The following PPARGC1A variants were observed in gnomAD, a reference collection of about 807,000 sequenced individuals.
PPARGC1A encodes peroxisome proliferator-activated receptor gamma coactivator 1-alpha.
In PPARGC1A, 25 loss-of-function variants were observed where a neutral mutation model predicts 88.7. That is an observed-to-expected ratio of 0.28 (90% CI 0.21 to 0.39). The LOEUF (loss-of-function observed/expected upper bound fraction) is 0.39. Among genes scored for constraint, PPARGC1A ranks in the 10% least tolerant of loss-of-function variants. The pLI is 1.00. For synonymous variants in PPARGC1A, 363 were observed against 355.6 expected (o/e 1.02, Z -0.24); for missense variants, 880 against 968.7 (o/e 0.91, Z 1.22).
chr4:24,107,513 T>C, the PPARGC1A span, among the ~76,000 whole-genome samples: 1 of 152,234 alleles, frequency 6.6e-6, no homozygotes, highest in Non-Finnish European at 1.5e-5. Flanking sequence ...CCAGATGAAA[T>C]AGTCTTTTCT....
the PPARGC1A span, among the ~76,000 whole-genome samples, chr4:24,150,203 A>T: frequency 1.3e-5 from 2 of 152,180 alleles, no homozygotes; most frequent in Admixed American, 1.3e-4. Flanking sequence ...TGTGGTTAAA[A>T]ATTGCTCCTA....
At chr4:23,939,030 G>T in the PPARGC1A span, among the ~76,000 whole-genome samples, 1 of 152,138 alleles carries the variant, frequency 6.6e-6, no homozygotes, top group African/African-American at 2.4e-5. Flanking sequence ...GGTGATGACT[G>T]CCCAGCCTGG....
At chr4:23,832,290 CATTT>C (rs1056904081) in intron 2 of PPARGC1A, among the ~76,000 whole-genome samples, 17 of 152,238 alleles carry the variant, frequency 1.1e-4, no homozygotes, top group South Asian at 8.3e-4. Context: ...ACTCCAAAAT[CATTT>C]ATTTATTTTG....
At chr4:24,449,472 C>T in the PPARGC1A span, among the ~76,000 whole-genome samples, 8 of 152,194 alleles carry the variant, frequency 5.3e-5, no homozygotes, top group African/African-American at 1.9e-4. Flanking sequence ...CTTGTAACTG[C>T]ATTCAATTTT....
At chr4:23,990,207 A>G in the PPARGC1A span, among the ~76,000 whole-genome samples, 23,572 of 148,876 alleles carry the variant, frequency 0.16, 1,954 homozygotes, top group South Asian at 0.19. Flanking sequence ...GTCACATCAT[A>G]TATTATATAT....
the PPARGC1A span, among the ~76,000 whole-genome samples, chr4:23,973,758 G>T: frequency 6.6e-6 from 1 of 151,928 alleles, no homozygotes; most frequent in East Asian, 1.9e-4. Flanking sequence ...CTTCTGAAAT[G>T]AAATCAAAAG....
the PPARGC1A span, among the ~76,000 whole-genome samples, chr4:24,386,361 T>C: frequency 6.6e-6 from 1 of 152,186 alleles, no homozygotes; most frequent in East Asian, 1.9e-4. Flanking sequence ...TCACCACTCT[T>C]ATTCAACATA....
chr4:23,868,667 C>T (rs1712594212), intron 2 of PPARGC1A, among the ~76,000 whole-genome samples: 1 of 152,184 alleles, frequency 6.6e-6, no homozygotes, highest in Admixed American at 6.5e-5. Flanking sequence ...CTCTTTTGCA[C>T]ATGTGACAAC....
the PPARGC1A span, among the ~76,000 whole-genome samples, chr4:24,260,844 A>G: frequency 6.6e-6 from 1 of 152,138 alleles, no homozygotes; most frequent in Non-Finnish European, 1.5e-5. Context: ...AAAATGTTAA[A>G]ATGTCATTTA....
chr4:24,289,782 T>C, the PPARGC1A span, among the ~76,000 whole-genome samples: 1,019 of 152,284 alleles, frequency 6.7e-3, 1 homozygote, highest in Non-Finnish European at 0.012. Flanking sequence ...TGATCACCAC[T>C]TCCAGCTTTT....
At chr4:23,962,920 A>T in the PPARGC1A span, among the ~76,000 whole-genome samples, 1 of 152,194 alleles carries the variant, frequency 6.6e-6, no homozygotes, top group Non-Finnish European at 1.5e-5. Context: ...CCTTTCATTC[A>T]GAAGAACACT....
chr4:23,909,928 G>C, the PPARGC1A span, among the ~76,000 whole-genome samples: 2 of 150,578 alleles, frequency 1.3e-5, no homozygotes, highest in Non-Finnish European at 2.9e-5. Flanking sequence ...AAATATGAAA[G>C]GTAGTGGGAG....
chr4:23,812,879 A>T lies in PPARGC1A; in HGVS notation c.1899-12T>A. Reference sequence around the variant, plus strand: ...CGTAGCTGTCATACCTGGGAAACATAACTTTATCACTAAGTCAACCACCTC... The same window carrying T: ...CGTAGCTGTCATACCTGGGAAACATTACTTTATCACTAAGTCAACCACCTC... On this transcript the variant is annotated splice_polypyrimidine_tract_variant and intron_variant, in intron 9 of 12. Transcript: ENST00000264867. 6.2e-7 allele frequency: 1 copy of T among 1,614,024 alleles called. No individual in the cohort carries two copies. Among genetic ancestry groups the T allele is most frequent in the Non-Finnish European group, 8.5e-7 (1 of 1,179,986 alleles).
At chr4:23,819,472 A>C (rs146265892) in intron 7 of PPARGC1A, among the ~76,000 whole-genome samples, 5 of 152,272 alleles carry the variant, frequency 3.3e-5, no homozygotes, top group African/African-American at 1.2e-4. Context: ...TGGAAGATGA[A>C]GATATCATTA....
chr4:24,190,692 GTAGT>G, the PPARGC1A span, among the ~76,000 whole-genome samples: 1 of 152,280 alleles, frequency 6.6e-6, no homozygotes, highest in East Asian at 1.9e-4. Context: ...TCCATGCCAT[GTAGT>G]TAGTTTGTGC....
chr4:24,166,518 C>T, the PPARGC1A span, among the ~76,000 whole-genome samples: 2 of 152,192 alleles, frequency 1.3e-5, no homozygotes, highest in Admixed American at 1.3e-4. Flanking sequence ...CTGAAAAGAA[C>T]AGCCTGATTC....
At chr4:24,334,173 T>G in the PPARGC1A span, among the ~76,000 whole-genome samples, 1 of 152,054 alleles carries the variant, frequency 6.6e-6, no homozygotes, top group South Asian at 2.1e-4. Context: ...TGGCACTACA[T>G]TCCCATGTAA....
chr4:24,260,427 T>G, the PPARGC1A span, among the ~76,000 whole-genome samples: 1 of 152,250 alleles, frequency 6.6e-6, no homozygotes, highest in Non-Finnish European at 1.5e-5. Flanking sequence ...ACTTGCACAT[T>G]AATAAAACTC....
the PPARGC1A span, among the ~76,000 whole-genome samples, chr4:24,265,528 G>C: frequency 1.3e-5 from 2 of 152,168 alleles, no homozygotes; most frequent in Non-Finnish European, 2.9e-5. Context: ...TTTATTATTC[G>C]AATGGCTTCA....
Sources: allele counts gnomAD v4.1 joint callset (sites outside exome capture counted in the v4.1 genomes callset), GRCh38; gene constraint gnomAD v4.1.1; transcripts MANE v1.5; gene names NCBI Gene and HGNC (gene_info 2026-07-23, HGNC 2026-07-21).